The following SGSM1 variants were observed in gnomAD, a reference collection of about 807,000 sequenced individuals.
SGSM1 encodes the protein RUN and TBC1 domain containing 2.
A neutral mutation model predicts 133.8 loss-of-function variants in SGSM1; 73 were observed. The observed-to-expected ratio is 0.55, with a 90% CI of 0.45 to 0.66. SGSM1 has a LOEUF of 0.66. SGSM1 is among the 30% of genes least tolerant of loss of function. The probability of loss-of-function intolerance (pLI) is 0.00; values close to 1 mark genes in which losing one functional copy is unlikely to be tolerated. For synonymous variants in SGSM1, 563 were observed against 573.0 expected (o/e 0.98, Z 0.25); for missense variants, 1,213 against 1,448.1 (o/e 0.84, Z 2.64).
At chr22:24,861,222 G>A (rs554221034) in intron 9 of SGSM1, among the ~76,000 whole-genome samples, 8 of 150,418 alleles carry the variant, frequency 5.3e-5, no homozygotes, top group South Asian at 2.1e-4. Flanking sequence ...GCATGGTGGC[G>A]GGCACCTGTA....
intron 5 of SGSM1, among the ~76,000 whole-genome samples, chr22:24,852,157 A>G (rs1417541354): frequency 1.3e-5 from 2 of 152,340 alleles, no homozygotes; most frequent in Admixed American, 6.5e-5. Context: ...CCTAACCCCA[A>G]TGATAACATT....
rs554819382 is a variant in SGSM1, at chr22:24,877,454, T to C, written c.1430+739T>C. ...TGTTTGCCCATAGATCCTTTGTCTC[T>C]TTGAAACTCTTCAGCCAATTCATGA... On this transcript the variant is annotated intron_variant, in intron 13 of 24. Transcript: ENST00000400358. 2.6e-5 allele frequency among the ~76,000 whole-genome samples: 4 copies of C among 152,240 alleles called. No individual in the cohort carries two copies. In the East Asian group the frequency reaches 7.7e-4, roughly 29 times the overall value.
At chr22:24,813,267 C>CCATCGAAGG (rs1184524182) in intron 2 of SGSM1, among the ~76,000 whole-genome samples, 1 of 152,110 alleles carries the variant, frequency 6.6e-6, no homozygotes, top group African/African-American at 2.4e-5. Flanking sequence ...AAGACCTTGT[C>CCATCGAAGG]CATCGAAGGC....
intron 5 of SGSM1, 69 bp from the exon 6 acceptor site, chr22:24,854,927 C>G: frequency 7.6e-7 from 1 of 1,311,128 alleles, no homozygotes; most frequent in South Asian, 1.3e-5. Context: ...GGGGATTGAA[C>G]TCTCATCTGT....
At chr22:24,853,912 T>C (rs965142497) in intron 5 of SGSM1, among the ~76,000 whole-genome samples, 7 of 147,582 alleles carry the variant, frequency 4.7e-5, no homozygotes, top group African/African-American at 1.7e-4. Flanking sequence ...CCACTGCGCC[T>C]GGCCAAAAGG....
intron 2 of SGSM1, among the ~76,000 whole-genome samples, chr22:24,828,560 A>C (rs1181836685): frequency 6.6e-6 from 1 of 152,228 alleles, no homozygotes; most frequent in African/African-American, 2.4e-5. Flanking sequence ...CCACAGTGAG[A>C]TACCATCTCA....
chr22:24,900,351 C>CTTTCTTTCTTTCTT (rs1933092402), intron 19 of SGSM1, among the ~76,000 whole-genome samples: 1 of 69,548 alleles, frequency 1.4e-5, no homozygotes, highest in African/African-American at 6.6e-5. Flanking sequence ...TTCTTTCTTT[C>CTTTCTTTCTTTCTT]TTTCTTTCTT....
intron 10 of SGSM1, among the ~76,000 whole-genome samples, chr22:24,867,541 T>G (rs1931527413): frequency 6.6e-6 from 1 of 152,192 alleles, no homozygotes; most frequent in Non-Finnish European, 1.5e-5. Flanking sequence ...TGACATCATT[T>G]CCATTTTGGA....
chr22:24,815,594 A>C (rs1928018476), intron 2 of SGSM1, among the ~76,000 whole-genome samples: 1 of 152,110 alleles, frequency 6.6e-6, no homozygotes, highest in Admixed American at 6.6e-5. Context: ...AATACAAAAA[A>C]ATTAGCCGGG....
intron 2 of SGSM1, among the ~76,000 whole-genome samples, chr22:24,815,174 C>T (rs1464451518): frequency 6.6e-6 from 1 of 152,150 alleles, no homozygotes; most frequent in Non-Finnish European, 1.5e-5. Context: ...AGTAACAGTT[C>T]CTTTTGCAGT....
At chr22:24,901,674 A>C (rs770176018) in intron 19 of SGSM1, among the ~76,000 whole-genome samples, 159 bp from the exon 20 acceptor site, 13 of 152,298 alleles carry the variant, frequency 8.5e-5, no homozygotes, top group Non-Finnish European at 1.8e-4. Context: ...CAGAAAACAA[A>C]CAAACAAAAT....
At chr22:24,908,255 C>G (rs186528087) in intron 21 of SGSM1, among the ~76,000 whole-genome samples, 260 of 152,200 alleles carry the variant, frequency 1.7e-3, no homozygotes, top group African/African-American at 6.1e-3. Context: ...AGAACTAAAA[C>G]TGTAAAATTT....
At chr22:24,897,871 T>C (rs936557581) in intron 18 of SGSM1, 101 bp from the exon 19 acceptor site, 19 of 1,050,396 alleles carry the variant, frequency 1.8e-5, no homozygotes, top group Admixed American at 8.9e-5. Context: ...GCTTGATCCA[T>C]ATTTAAGCCG....
At chr22:24,902,884 T>C (rs1288619470) in intron 20 of SGSM1, among the ~76,000 whole-genome samples, 1 of 152,058 alleles carries the variant, frequency 6.6e-6, no homozygotes, top group African/African-American at 2.4e-5. Flanking sequence ...TACAAAAGTT[T>C]TAATAAATTA....
intron 2 of SGSM1, among the ~76,000 whole-genome samples, chr22:24,840,772 G>A (rs946442137): frequency 4.6e-5 from 7 of 152,128 alleles, no homozygotes; most frequent in African/African-American, 1.7e-4. Flanking sequence ...ATTTCCAGCT[G>A]TAAGTTCCTT....
intron 13 of SGSM1, among the ~76,000 whole-genome samples, chr22:24,877,804 T>C (rs375650564): frequency 3.5e-4 from 35 of 98,918 alleles, no homozygotes; most frequent in Non-Finnish European, 4.6e-4. Flanking sequence ...CTTTCTTTCT[T>C]TTTTTTTTTT....
chr22:24,876,975 C>T (rs1932057038), intron 13 of SGSM1, among the ~76,000 whole-genome samples: 1 of 152,182 alleles, frequency 6.6e-6, no homozygotes, highest in Admixed American at 6.5e-5. Flanking sequence ...ATCATGCATG[C>T]TGTGTTTCTA....
intron 2 of SGSM1, among the ~76,000 whole-genome samples, chr22:24,817,385 A>C (rs1928158948): frequency 6.7e-6 from 1 of 148,342 alleles, no homozygotes; most frequent in East Asian, 2.0e-4. Context: ...ATGGAGTCTC[A>C]CTCTGTCGCC....
chr22:24,868,154 CTT>C (rs1931559251), intron 10 of SGSM1, among the ~76,000 whole-genome samples: 1 of 152,128 alleles, frequency 6.6e-6, no homozygotes, highest in Admixed American at 6.5e-5. Context: ...TTCTTCTTGA[CTT>C]TGTCCTGTAG....
Sources: gnomAD v4.1 joint callset for allele counts (sites outside exome capture counted in the v4.1 genomes callset) on GRCh38, gnomAD v4.1.1 for gene constraint, MANE v1.5 for transcripts, NCBI Gene and HGNC (gene_info 2026-07-23, HGNC 2026-07-21) for gene names.